Variants in CFAP45 observed in about 807,000 individuals in gnomAD.
CFAP45 encodes the protein cilia- and flagella-associated protein 45.
CFAP45 carries 43 observed loss-of-function variants against 75.6 expected under a neutral mutation model. The ratio of observed to expected loss-of-function variants is 0.57; its 90% confidence interval spans 0.45 to 0.73. CFAP45 has a LOEUF of 0.73. CFAP45 is among the 30% of genes least tolerant of loss of function. CFAP45 has a pLI of 0.00. For missense variants in CFAP45, 689 were observed against 701.5 expected, an observed-to-expected ratio of 0.98 and a Z score of 0.20; for synonymous variants, 223 against 244.6, an observed-to-expected ratio of 0.91 and a Z score of 0.82.
In CFAP45 at chr1:159,884,468, A is replaced by G. The variant is rs1318456689; in HGVS notation, c.865T>C (p.Tyr289His). The G allele has an allele frequency of 6.2e-6, 10 of 1,613,786 alleles. No homozygotes were observed. The Admixed American group carries it at 1.7e-4, about 27-fold the overall frequency. ...TCTTCCTCTTGGAGCTGTTCCATAT[A>G]TTCCAGCATCTGCTCCTTCTCCTGC... ...REQEKEQMLEYMEQLQEEDLK... is the reference protein window; with the variant it reads ...REQEKEQMLEHMEQLQEEDLK... Residue 289 changes from tyrosine to histidine, a missense_variant, in exon 7 of 12, where the codon TAT (tyrosine) becomes CAT (histidine). Physicochemically the swap from Tyr to His is moderately conservative, Grantham distance 83. Coordinates refer to ENST00000368099, the MANE Select transcript of CFAP45 (RefSeq NM_012337.3).
At chr1:159,893,477 G>A (rs1314930824) in intron 1 of CFAP45, among the ~76,000 whole-genome samples, 172 bp from the exon 2 acceptor site, 1 of 152,202 alleles carries the variant, frequency 6.6e-6, no homozygotes, top group African/African-American at 2.4e-5. Context: ...AGCAACAGAT[G>A]GAGGGCATCC....
chr1:159,900,038 C>T (rs776517677), intron 1 of CFAP45, 58 bp downstream of exon 1: 16 of 1,608,446 alleles, frequency 9.9e-6, no homozygotes, highest in Non-Finnish European at 1.3e-5. Context: ...CCACTTTCCC[C>T]ACTCAGAGCC....
At chr1:159,876,428 T>C in intron 10 of CFAP45, 128 bp downstream of exon 10, 1 of 691,690 alleles carries the variant, frequency 1.4e-6, no homozygotes, top group South Asian at 1.8e-5. Flanking sequence ...CTAGTTATAA[T>C]GATCCCACCA....
At chr1:159,884,691 A>C in intron 6 of CFAP45, 126 bp from the exon 7 acceptor site, 1 of 948,432 alleles carries the variant, frequency 1.1e-6, no homozygotes, top group Non-Finnish European at 1.6e-6. Context: ...TGCCCCCTAA[A>C]CATGAATATG....
intron 10 of CFAP45, among the ~76,000 whole-genome samples, chr1:159,874,650 G>T (rs554050816): frequency 6.6e-6 from 1 of 152,280 alleles, no homozygotes; most frequent in African/African-American, 2.4e-5. Flanking sequence ...CCCCGGTGGT[G>T]CCAGGCAGTT....
chr1:159,878,824 C>A (rs1040540105), intron 8 of CFAP45, among the ~76,000 whole-genome samples: 1 of 146,162 alleles, frequency 6.8e-6, no homozygotes, highest in Non-Finnish European at 1.5e-5. Context: ...TTCTGTGAAG[C>A]CCAGTGAGTT....
At chr1:159,878,758 A>AAAAAAAAAAAAAAAAAAAAC (rs1649472709) in intron 8 of CFAP45, among the ~76,000 whole-genome samples, 1 of 100,288 alleles carries the variant, frequency 1.0e-5, no homozygotes, top group Non-Finnish European at 2.1e-5. Flanking sequence ...ACATCTAAAA[A>AAAAAAAAAAAAAAAAAAAAC]AAAAAAAAAA....
intron 10 of CFAP45, among the ~76,000 whole-genome samples, chr1:159,875,429 G>C (rs185410211): frequency 4.6e-5 from 7 of 152,212 alleles, no homozygotes; most frequent in Middle Eastern, 6.8e-3. Flanking sequence ...ATCATGGCAG[G>C]GGGGACATGC....
At chr1:159,893,813 T>C (rs1383060009) in intron 1 of CFAP45, among the ~76,000 whole-genome samples, 1 of 152,028 alleles carries the variant, frequency 6.6e-6, no homozygotes, top group Non-Finnish European at 1.5e-5. Flanking sequence ...CAAGGTCTAG[T>C]ATTTGATAGC....
intron 7 of CFAP45, 67 bp from the exon 8 acceptor site, chr1:159,880,767 G>A (rs1649531247): frequency 1.3e-6 from 2 of 1,496,764 alleles, no homozygotes; most frequent in East Asian, 2.3e-5. Context: ...GGCATCCAGG[G>A]ATAGAGAGAT....
In CFAP45 at chr1:159,888,008, C is replaced by A. The variant is rs1557914702; in HGVS notation, c.421G>T (p.Ala141Ser). 2 of 1,613,892 alleles carry A rather than the reference C, an allele frequency of 1.2e-6. No homozygotes were observed. Among genetic ancestry groups the A allele is most frequent in the Non-Finnish European group, 1.7e-6 (2 of 1,179,922 alleles). ...ATGATCTTCTTTCGTGTCATCACTG[C>A]ATCCTAAGGGAGACCAGTCTGGCTC... is the stretch of plus-strand genomic sequence containing the variant. The part of the protein sequence containing the change: ...FKKEKEATMD[A>S]VMTRKKIMKQ... Residue 141 changes from alanine (A) to serine (S), a missense_variant, in exon 5 of 12, where the codon GCA becomes TCA. By Grantham distance (99) the Ala-to-Ser change is moderately conservative. Coordinates refer to ENST00000368099, the MANE Select transcript of CFAP45 (RefSeq NM_012337.3).
rs747058389 is a variant in CFAP45, at chr1:159,877,478, G to A, written c.1045-16C>T. ...CTTCTCGAGCCTGCCGGAAGGAAAGGCCTTGTAGAATAGTTGCCATTGCCC... is the reference window on the plus strand; with the variant it reads ...CTTCTCGAGCCTGCCGGAAGGAAAGACCTTGTAGAATAGTTGCCATTGCCC... On this transcript the variant is annotated splice_polypyrimidine_tract_variant and intron_variant, in intron 8 of 11. Coordinates refer to ENST00000368099, the MANE Select transcript of CFAP45 (RefSeq NM_012337.3). The A allele has an allele frequency of 1.6e-5, 25 of 1,582,194 alleles. No individual in the cohort carries two copies. Among genetic ancestry groups the A allele is most frequent in the Non-Finnish European group, 2.0e-5 (23 of 1,150,926 alleles).
At chr1:159,875,776 G>T (rs1649384909) in intron 10 of CFAP45, among the ~76,000 whole-genome samples, 1 of 152,218 alleles carries the variant, frequency 6.6e-6, no homozygotes, top group Non-Finnish European at 1.5e-5. Flanking sequence ...CAGCCCCAGG[G>T]ACCAGGTCTG....
rs770086170 is a variant in CFAP45, at chr1:159,893,325, GT to G, written c.4-21del. 6.8e-6 allele frequency: 11 copies of G among 1,611,480 alleles called. No homozygotes were observed. The Admixed American group carries it at 1.8e-4, about 27-fold the overall frequency. On this transcript the variant is annotated intron_variant, in intron 1 of 11. Transcript: ENST00000368099. ...TAGTGGCTGCAGGAAGAGGCAGAAA[GT>G]TTGGGTCATCAGTACTGAGTGGCAT...
At chr1:159,880,474 T>A in intron 8 of CFAP45, 80 bp downstream of exon 8, 1 of 1,314,084 alleles carries the variant, frequency 7.6e-7, no homozygotes, top group East Asian at 2.3e-5. Flanking sequence ...TCCACTGGAG[T>A]TCCCTTAGTT....
intron 2 of CFAP45, among the ~76,000 whole-genome samples, chr1:159,892,901 G>C (rs1649861535): frequency 6.6e-6 from 1 of 152,176 alleles, no homozygotes; most frequent in African/African-American, 2.4e-5. Context: ...AGCAACTATT[G>C]CACTCTCTGC....
At chr1:159,895,867 G>T (rs2494488) in intron 1 of CFAP45, among the ~76,000 whole-genome samples, 1 of 152,144 alleles carries the variant, frequency 6.6e-6, no homozygotes, top group African/African-American at 2.4e-5. Flanking sequence ...TGTAATTAAG[G>T]GAAAAGGTGC....
rs1008019759 is a variant in CFAP45 at position 159,876,702 on chromosome 1, C to T, written c.1206G>A (p.Trp402Ter). Residue 402 changes from tryptophan (W) to a stop codon, truncating the protein, a stop_gained, in exon 10 of 12, where the codon TGG (tryptophan) becomes TGA (stop). Coordinates refer to ENST00000368099, the MANE Select transcript of CFAP45 (RefSeq NM_012337.3). LOFTEE classifies it high-confidence loss of function. ...GCGCATTTTCCTTTTCCTTTCTGCG[C>T]CACTCTCTGTCTGCAACCTCCTGGT... ...KRNQEVADRE[W>*]RRKEKENARK... 1 of 1,614,094 alleles carries T rather than the reference C, an allele frequency of 6.2e-7. No homozygotes were observed. The highest frequency in any genetic ancestry group is 1.3e-5 in the African/African-American group (1 of 74,934).
At position 159,891,545 on chromosome 1, in the gene CFAP45, C is replaced by T. The variant is rs558292887; in HGVS notation, c.130-923G>A. Among the ~76,000 whole-genome samples the T allele has an allele frequency of 1.1e-4, 16 of 152,226 alleles. No homozygotes were observed. The East Asian group carries it at 1.9e-3, about 18-fold the overall frequency. On this transcript the variant is annotated intron_variant, in intron 2 of 11. Coordinates refer to ENST00000368099, the MANE Select transcript of CFAP45 (RefSeq NM_012337.3). ...ATTTTTTCTTTTTTTCAAAATTCTC[C>T]GACCCTGAAGGAGTTAGATAACAAT...
Sources: gnomAD v4.1 joint callset for allele counts (sites outside exome capture counted in the v4.1 genomes callset) on GRCh38, gnomAD v4.1.1 for gene constraint, MANE v1.5 for transcripts, NCBI Gene and HGNC (gene_info 2026-07-23, HGNC 2026-07-21) for gene names.